The following ZNF774 variants were observed in gnomAD, a reference collection of about 807,000 sequenced individuals.
ZNF774 encodes zinc finger protein 774.
In ZNF774, 14 loss-of-function variants were observed where a neutral mutation model predicts 11.1. The ratio of observed to expected loss-of-function variants is 1.26; its 90% confidence interval spans 0.83 to 1.97. The LOEUF is 1.97. Ranked by LOEUF, ZNF774 falls within the 30% of genes most tolerant of loss-of-function variation. ZNF774 has a pLI of 0.00. For synonymous variants in ZNF774, 195 were observed against 212.6 expected, an observed-to-expected ratio of 0.92 and a Z score of 0.72; for missense variants, 599 against 587.0, an observed-to-expected ratio of 1.02 and a Z score of -0.21.
rs758628068 is a variant in ZNF774, at chr15:90,358,947, A to C, written c.201A>C (p.Glu67Asp). Residue 67 changes from glutamate to aspartate, a missense_variant, in exon 3 of 4, where the codon GAA (glutamate) becomes GAC (aspartate). Coordinates refer to ENST00000354377, the MANE Select transcript of ZNF774 (RefSeq NM_001004309.3). The part of the protein sequence containing the change: ...QNFEARKIPR[E>D]SHTDCEHQVA... ...TTGAGGCGAGGAAGATCCCGAGGGA[A>C]AGCCACACAGGTGAGATGTGAGTGC... 2 of 1,613,564 alleles carry C rather than the reference A, an allele frequency of 1.2e-6. No individual in the cohort carries two copies. The highest frequency in any genetic ancestry group is 2.7e-5 in the African/African-American group (2 of 75,030).
At position 90,361,318 on chromosome 15, in the gene ZNF774, C is replaced by G; in HGVS notation, c.*35C>G. On this transcript the variant is annotated 3_prime_UTR_variant, in exon 4 of 4. Transcript: ENST00000354377. ...TTTGGTGTTCAGCTGCTCCCTTGCA[C>G]ATTTTCATTGCTACTGTCTTCAAGC... 2 of 1,543,978 alleles carry G rather than the reference C, an allele frequency of 1.3e-6. No individual in the cohort carries two copies. The highest frequency in any genetic ancestry group is 1.7e-6 in the Non-Finnish European group (2 of 1,148,202).
At chr15:90,357,775 T>A (rs1399206019) in intron 2 of ZNF774, among the ~76,000 whole-genome samples, 2 of 152,160 alleles carry the variant, frequency 1.3e-5, no homozygotes, top group Non-Finnish European at 2.9e-5. Context: ...TTTCTCCATG[T>A]TGGACAGGCT....
In ZNF774 at chr15:90,361,661, A is replaced by C. The variant is rs1964339376; in HGVS notation, c.*378A>C. ...ACCTCATCTCTACTAAAAATGCAAA[A>C]ATTAGCTGGGCATGGTGGCACGTGC... On this transcript the variant is annotated 3_prime_UTR_variant, in exon 4 of 4. Coordinates refer to ENST00000354377, the MANE Select transcript of ZNF774 (RefSeq NM_001004309.3). 2 of 363,218 alleles carry C rather than the reference A, an allele frequency of 5.5e-6. No homozygotes were observed. The highest frequency in any genetic ancestry group is 7.9e-6 in the Non-Finnish European group (2 of 254,752). 22.5% of individuals were successfully genotyped at this position (363,218 alleles called of 1,614,324 possible).
At chr15:90,353,545 C>T (rs1964203192) in intron 1 of ZNF774, among the ~76,000 whole-genome samples, 1 of 149,996 alleles carries the variant, frequency 6.7e-6, no homozygotes, top group Admixed American at 6.6e-5. Flanking sequence ...TCTGGTCCTT[C>T]CTCCCTTGAA....
chr15:90,359,049 T>C, intron 3 of ZNF774, 92 bp downstream of exon 3: 3 of 917,256 alleles, frequency 3.3e-6, no homozygotes, highest in East Asian at 5.7e-5. Context: ...AATTTTGTTC[T>C]TACTAGCAGA....
intron 1 of ZNF774, among the ~76,000 whole-genome samples, chr15:90,352,867 A>C (rs1331862567): frequency 6.6e-6 from 1 of 152,044 alleles, no homozygotes; most frequent in Non-Finnish European, 1.5e-5. Flanking sequence ...GGGTTTCTAT[A>C]ACCGTGGCTA....
At chr15:90,357,657 C>T (rs1163833718) in intron 2 of ZNF774, among the ~76,000 whole-genome samples, 1 of 151,894 alleles carries the variant, frequency 6.6e-6, no homozygotes, top group Non-Finnish European at 1.5e-5. Context: ...CTGCAACGTC[C>T]GCCTCCCAGG....
rs1596233872 is a variant in ZNF774, at chr15:90,362,752, C to T, written c.*1469C>T. The T allele has an allele frequency of 2.8e-5, 4 of 142,072 alleles. No homozygotes were observed. In the East Asian group the frequency reaches 1.4e-3, roughly 49 times the overall value. The allele number at this position is 142,072 out of a possible 1,614,324, so 8.8% of individuals were successfully genotyped here. Reference sequence around the variant, plus strand: ...GTTGTTGTGAGGATCTAAAAATACACACACACACACACACACACACACACA... The same window carrying T: ...GTTGTTGTGAGGATCTAAAAATACATACACACACACACACACACACACACA... On this transcript the variant is annotated 3_prime_UTR_variant, in exon 4 of 4. Transcript: ENST00000354377.
rs1011617569 is a variant in ZNF774, at chr15:90,362,176, A to G, written c.*893A>G. The G allele has an allele frequency of 5.2e-6, 1 of 191,726 alleles. No individual in the cohort carries two copies. The highest frequency in any genetic ancestry group is 1.1e-5 in the Non-Finnish European group (1 of 91,786). 11.9% of individuals were successfully genotyped at this position (191,726 alleles called of 1,614,324 possible). A position where few individuals can be genotyped will look rare whatever the true frequency, so the allele number is the denominator to read the frequency against. ...TAAAATGGAAATGCACTGCCAGTTC[A>G]GTGCTGTGCAGGCATTAGTCACCAG... is the stretch of plus-strand genomic sequence containing the variant. On this transcript the variant is annotated 3_prime_UTR_variant, in exon 4 of 4. Coordinates refer to ENST00000354377, the MANE Select transcript of ZNF774 (RefSeq NM_001004309.3).
At chr15:90,358,828 C>G in intron 2 of ZNF774, 23 bp from the exon 3 acceptor site, 1 of 1,603,322 alleles carries the variant, frequency 6.2e-7, no homozygotes, top group Middle Eastern at 1.7e-4. Context: ...AGACTCACAT[C>G]CTATGTTTAC....
intron 1 of ZNF774, among the ~76,000 whole-genome samples, chr15:90,353,180 T>A (rs1567099779): frequency 6.6e-6 from 1 of 152,126 alleles, no homozygotes; most frequent in Non-Finnish European, 1.5e-5. Context: ...TTGGCCAGGC[T>A]GATCTCGAAC....
chr15:90,359,167 G>A (rs1420949326), intron 3 of ZNF774, among the ~76,000 whole-genome samples: 1 of 150,602 alleles, frequency 6.6e-6, no homozygotes, highest in Non-Finnish European at 1.5e-5. Flanking sequence ...CCGCTTCCCG[G>A]GTTCACGCCA....
intron 2 of ZNF774, chr15:90,355,450 G>A: frequency 2.2e-6 from 1 of 455,878 alleles, no homozygotes; most frequent in Non-Finnish European, 4.4e-6. Flanking sequence ...ACAGGCTGGG[G>A]GCAGTGGCTC....
Position 90,361,544 on chromosome 15 carries a change from G to T in ZNF774, c.*261G>T, listed in dbSNP as rs1444554415. 1.7e-6 allele frequency: 2 copies of T among 1,174,528 alleles called. No homozygotes were observed. Among genetic ancestry groups the T allele is most frequent in the Non-Finnish European group, 2.1e-6 (2 of 947,612 alleles). 72.8% of individuals were successfully genotyped at this position (1,174,528 alleles called of 1,614,324 possible). ...TAGTTGATGCCCGCCAGGCGTGGTG[G>T]CTCACCCCTGTAATCCCAGCACTTT... On this transcript the variant is annotated 3_prime_UTR_variant, in exon 4 of 4. Coordinates refer to ENST00000354377, the MANE Select transcript of ZNF774 (RefSeq NM_001004309.3).
chr15:90,356,020 T>C (rs1388563550), intron 2 of ZNF774, among the ~76,000 whole-genome samples: 12 of 114,942 alleles, frequency 1.0e-4, no homozygotes, highest in Non-Finnish European at 1.5e-4. Context: ...AGAGCAAGAC[T>C]CCATCTCAAA....
rs1964349876 is a variant in ZNF774 at position 90,362,474 on chromosome 15, C to A, written c.*1191C>A. The A allele has an allele frequency of 7.2e-7, 1 of 1,391,124 alleles. No individual in the cohort carries two copies. Among genetic ancestry groups the A allele is most frequent in the Admixed American group, 2.0e-5 (1 of 50,172 alleles). 86.2% of individuals were successfully genotyped at this position (1,391,124 alleles called of 1,614,324 possible). A position where few individuals can be genotyped will look rare whatever the true frequency, so the allele number is the denominator to read the frequency against. On this transcript the variant is annotated 3_prime_UTR_variant, in exon 4 of 4. Coordinates refer to ENST00000354377, the MANE Select transcript of ZNF774 (RefSeq NM_001004309.3). ...CCTGGCATTTAGCTGAAGGAAGCAA[C>A]TCTTGTTTTCTAATTTGCTGGGTCA...
At chr15:90,353,112 C>T (rs1312496318) in intron 1 of ZNF774, among the ~76,000 whole-genome samples, 2 of 152,044 alleles carry the variant, frequency 1.3e-5, no homozygotes, top group African/African-American at 2.4e-5. Flanking sequence ...GGATTACAGG[C>T]GTGTGCCACC....
chr15:90,361,026 G>C lies in ZNF774; in HGVS notation c.1195G>C (p.Gly399Arg). ...CATTAAGCACCAACGAATCCACACC[G>C]GAGAAAGACCCTACAAATGTGGAGA... ...ALIKHQRIHTGERPYKCGECG... is the reference protein window; with the variant it reads ...ALIKHQRIHTRERPYKCGECG... Residue 399 changes from glycine (G) to arginine (R), a missense_variant, in exon 4 of 4, where the codon GGA becomes CGA. By Grantham distance (125) the Gly-to-Arg change is moderately radical. Coordinates refer to ENST00000354377, the MANE Select transcript of ZNF774 (RefSeq NM_001004309.3). The C allele has an allele frequency of 1.2e-6, 2 of 1,614,162 alleles. No homozygotes were observed. The highest frequency in any genetic ancestry group is 1.7e-6 in the Non-Finnish European group (2 of 1,180,034).
rs59687959 is a variant in ZNF774, at chr15:90,362,748, TACACACACACACACAC to T, written c.*1488_*1503del. The T allele has an allele frequency of 1.0e-3, 490 of 489,602 alleles. 2 individuals carry two copies. The South Asian group carries it at 0.014, about 14-fold the overall frequency. The allele number at this position is 489,602 out of a possible 1,614,324, so 30.3% of individuals were successfully genotyped here. ...CAAGGTTGTTGTGAGGATCTAAAAA[TACACACACACACACAC>T]ACACACACACACACACACACACTTT... is the stretch of plus-strand genomic sequence containing the variant. On this transcript the variant is annotated 3_prime_UTR_variant, in exon 4 of 4. Transcript: ENST00000354377.
Sources: allele counts gnomAD v4.1 joint callset (sites outside exome capture counted in the v4.1 genomes callset), GRCh38; gene constraint gnomAD v4.1.1; transcripts MANE v1.5; gene names NCBI Gene and HGNC (gene_info 2026-07-23, HGNC 2026-07-21).